The following SNX18 variants were observed in gnomAD, a reference collection of about 807,000 sequenced individuals.
The protein encoded by SNX18 is sorting nexin-18.
In SNX18, 35 loss-of-function variants were observed where a neutral mutation model predicts 48.7. The observed-to-expected ratio is 0.72, with a 90% confidence interval of 0.55 to 0.95. The LOEUF (loss-of-function observed/expected upper bound fraction) is 0.95. SNX18 is among the 40% of genes least tolerant of loss of function. The pLI is 0.00. For synonymous variants in SNX18, 492 were observed against 384.7 expected (o/e 1.28, Z -3.26); for missense variants, 824 against 871.0 (o/e 0.95, Z 0.68).
the SNX18 span, among the ~76,000 whole-genome samples, chr5:54,556,521 G>A: frequency 6.6e-6 from 1 of 152,120 alleles, no homozygotes; most frequent in Non-Finnish European, 1.5e-5. Flanking sequence ...GGTCCACCTG[G>A]TATAATGTAG....
In SNX18 at chr5:54,543,399, G is replaced by A; in HGVS notation, c.1842G>A (p.Leu614=). Residue 614 remains leucine, a synonymous_variant, in exon 2 of 2, where the codon TTG becomes TTA. Transcript: ENST00000381410. ...TTTTCCAAAAAGTTACCCAGAAGTT[G>A]GAAGAAGCTCTTCACAAATATGATA... ...IIFFQKVTQK[L]EEALHKYDSV 2 of 1,614,142 alleles carry A rather than the reference G, an allele frequency of 1.2e-6. No individual in the cohort carries two copies. The highest frequency in any genetic ancestry group is 8.5e-7 in the Non-Finnish European group (1 of 1,180,020).
chr5:54,606,978 C>A, the SNX18 span, among the ~76,000 whole-genome samples: 7 of 152,150 alleles, frequency 4.6e-5, no homozygotes, highest in Non-Finnish European at 1.0e-4. Context: ...CCTCACCCAC[C>A]CCATCCCTAT....
chr5:54,599,294 A>G, the SNX18 span, among the ~76,000 whole-genome samples: 17 of 152,176 alleles, frequency 1.1e-4, no homozygotes, highest in Non-Finnish European at 2.1e-4. Context: ...GGACCTCTTC[A>G]AGGAGAACTA....
chr5:54,582,976 TATAGCCC>T, the SNX18 span, among the ~76,000 whole-genome samples: 2 of 152,182 alleles, frequency 1.3e-5, no homozygotes, highest in Non-Finnish European at 1.5e-5. Flanking sequence ...CCTGAGTCAG[TATAGCCC>T]ATAGTCACCT....
chr5:54,637,515 G>T, the SNX18 span, among the ~76,000 whole-genome samples: 1 of 152,074 alleles, frequency 6.6e-6, no homozygotes, highest in Non-Finnish European at 1.5e-5. Flanking sequence ...GTGGTGGGGT[G>T]GGGTAGGCTA....
chr5:54,621,130 A>G, the SNX18 span, among the ~76,000 whole-genome samples: 1 of 152,174 alleles, frequency 6.6e-6, no homozygotes, highest in Non-Finnish European at 1.5e-5. Flanking sequence ...GTGACTGTTC[A>G]TCACACTAAC....
At position 54,546,517 on chromosome 5, in the gene SNX18, A is replaced by G. The variant is rs1762579698; in HGVS notation, c.*3085A>G. On this transcript the variant is annotated 3_prime_UTR_variant, in exon 2 of 2. Coordinates refer to ENST00000381410, the MANE Select transcript of SNX18 (RefSeq NM_001102575.2). ...GTTGAATATTGTTTTATTTCCTTCAAAATGTTATGATTAGTGCAGATCAGC... is the reference window on the plus strand; with the variant it reads ...GTTGAATATTGTTTTATTTCCTTCAGAATGTTATGATTAGTGCAGATCAGC... The G allele has an allele frequency of 6.6e-6, 1 of 152,188 alleles. No individual in the cohort carries two copies. Among genetic ancestry groups the G allele is most frequent in the Non-Finnish European group, 1.5e-5 (1 of 68,052 alleles). 9.4% of individuals were successfully genotyped at this position (152,188 alleles called of 1,614,324 possible). A position where few individuals can be genotyped will look rare whatever the true frequency, so the allele number is the denominator to read the frequency against.
chr5:54,621,023 G>C, the SNX18 span, among the ~76,000 whole-genome samples: 2 of 152,188 alleles, frequency 1.3e-5, no homozygotes, highest in Non-Finnish European at 2.9e-5. Context: ...GTCCATAACA[G>C]TTGGCGATAA....
the SNX18 span, among the ~76,000 whole-genome samples, chr5:54,582,935 G>A: frequency 3.3e-5 from 5 of 152,194 alleles, no homozygotes; most frequent in African/African-American, 1.2e-4. Flanking sequence ...TGGGTGTTTG[G>A]TTTAGGTTGC....
the SNX18 span, among the ~76,000 whole-genome samples, chr5:54,552,247 A>G: frequency 1.3e-5 from 2 of 152,186 alleles, no homozygotes; most frequent in Non-Finnish European, 2.9e-5. Flanking sequence ...AGTTGCTGCC[A>G]TTTGTTCTCC....
the SNX18 span, among the ~76,000 whole-genome samples, chr5:54,601,156 A>G: frequency 6.6e-6 from 1 of 152,106 alleles, no homozygotes; most frequent in South Asian, 2.1e-4. Context: ...ACCTCTTCCC[A>G]ACTCTGTATC....
chr5:54,568,628 A>T, the SNX18 span, among the ~76,000 whole-genome samples: 1 of 152,172 alleles, frequency 6.6e-6, no homozygotes, highest in Non-Finnish European at 1.5e-5. Context: ...CTTTTCAGTC[A>T]CGCTGCTTCC....
In SNX18 at chr5:54,518,534, C is replaced by T. The variant is rs1170554258; in HGVS notation, c.582C>T (p.Arg194=). The change falls in exon 1 of 2, where the codon CGC becomes CGT. Residue 194 remains arginine, a synonymous_variant. Coordinates refer to ENST00000381410, the MANE Select transcript of SNX18 (RefSeq NM_001102575.2). ...SAGVGAAGRY[R]LSTRSDLSLG... ...GTGTGGGCGCAGCCGGCCGCTACCG[C>T]CTGTCCACGCGCTCCGACCTGTCCC... 1 of 1,577,200 alleles carries T rather than the reference C, an allele frequency of 6.3e-7. No individual in the cohort carries two copies. The highest frequency in any genetic ancestry group is 8.6e-7 in the Non-Finnish European group (1 of 1,162,902).
chr5:54,550,879 C>T (rs1404504134), downstream of SNX18, among the ~76,000 whole-genome samples: 1 of 152,124 alleles, frequency 6.6e-6, no homozygotes, highest in Non-Finnish European at 1.5e-5. Flanking sequence ...GTCACTGCGC[C>T]TGGCCTATGT....
At chr5:54,591,715 A>G in the SNX18 span, among the ~76,000 whole-genome samples, 1 of 152,208 alleles carries the variant, frequency 6.6e-6, no homozygotes, top group African/African-American at 2.4e-5. Context: ...TTGCATTGGC[A>G]TAAGAATTAA....
chr5:54,570,800 G>A, the SNX18 span, among the ~76,000 whole-genome samples: 1 of 152,180 alleles, frequency 6.6e-6, no homozygotes, highest in African/African-American at 2.4e-5. Context: ...GGCTCTTCTG[G>A]AAACCTGGTT....
At chr5:54,561,889 C>G in the SNX18 span, among the ~76,000 whole-genome samples, 2 of 152,086 alleles carry the variant, frequency 1.3e-5, no homozygotes, top group African/African-American at 4.8e-5. Context: ...ATGGCAGAAC[C>G]TGATGCAAGG....
At chr5:54,567,047 T>C in the SNX18 span, among the ~76,000 whole-genome samples, 3 of 152,190 alleles carry the variant, frequency 2.0e-5, no homozygotes, top group African/African-American at 7.2e-5. Flanking sequence ...ACTCTTCTTT[T>C]CTAGGATTTG....
downstream of SNX18, among the ~76,000 whole-genome samples, chr5:54,549,403 C>A (rs1580114343): frequency 6.6e-6 from 1 of 152,176 alleles, no homozygotes; most frequent in African/African-American, 2.4e-5. Flanking sequence ...GGTCACAGGA[C>A]CAAACCCCAT....
Sources: allele counts gnomAD v4.1 joint callset (sites outside exome capture counted in the v4.1 genomes callset), GRCh38; gene constraint gnomAD v4.1.1; transcripts MANE v1.5; gene names NCBI Gene and HGNC (gene_info 2026-07-23, HGNC 2026-07-21).